HECW1: variants seen among roughly 807,000 people sequenced by gnomAD.
The protein encoded by HECW1 is E3 ubiquitin-protein ligase HECW1.
A neutral mutation model predicts 182.3 loss-of-function variants in HECW1; 61 were observed. The observed-to-expected ratio is 0.33, with a 90% CI of 0.27 to 0.41. The LOEUF (loss-of-function observed/expected upper bound fraction) is 0.41, where lower values mean the gene tolerates loss of function less well. HECW1 is among the 10% of genes least tolerant of loss of function. The pLI is 1.00. For synonymous variants in HECW1, 859 were observed against 832.6 expected (o/e 1.03, Z -0.55); for missense variants, 1,739 against 2,108.9 (o/e 0.82, Z 3.44).
chr7:43,404,989 CA>C (rs2075557797), intron 7 of HECW1, among the ~76,000 whole-genome samples: 1 of 151,762 alleles, frequency 6.6e-6, no homozygotes, highest in Admixed American at 6.6e-5. Flanking sequence ...AAAAATCAAA[CA>C]AAAAAACAAA....
At position 43,419,944 on chromosome 7, in the gene HECW1, C is replaced by T. The variant is rs1443398180; in HGVS notation, c.801+12213C>T. 8.5e-5 allele frequency among the ~76,000 whole-genome samples: 13 copies of T among 152,128 alleles called. No individual in the cohort carries two copies. The East Asian group carries it at 1.2e-3, about 13-fold the overall frequency. On this transcript the variant is annotated intron_variant, in intron 8 of 29. Transcript: ENST00000395891. Reference sequence around the variant, plus strand: ...AGGACCTCACATTCTGTATTTGTCCCGATTGGCTAGCAACTTAGAACTTTT... The same window carrying T: ...AGGACCTCACATTCTGTATTTGTCCTGATTGGCTAGCAACTTAGAACTTTT...
At chr7:43,280,946 T>C (rs1388742947) in intron 3 of HECW1, among the ~76,000 whole-genome samples, 1 of 152,208 alleles carries the variant, frequency 6.6e-6, no homozygotes, top group African/African-American at 2.4e-5. Flanking sequence ...GAGGTTTTCA[T>C]GCATTCCCGA....
intron 3 of HECW1, among the ~76,000 whole-genome samples, chr7:43,307,270 G>T (rs1807695855): frequency 6.6e-6 from 1 of 152,138 alleles, no homozygotes; most frequent in Admixed American, 6.6e-5. Flanking sequence ...CAGTGTTATT[G>T]AAACTATTGC....
chr7:43,186,764 A>T (rs1416692133), intron 2 of HECW1, among the ~76,000 whole-genome samples: 1 of 152,024 alleles, frequency 6.6e-6, no homozygotes, highest in Non-Finnish European at 1.5e-5. Flanking sequence ...TTACCATTGC[A>T]TTACAATTGC....
Position 43,119,791 on chromosome 7 carries a change from C to T in HECW1, c.-32+5400C>T, listed in dbSNP as rs1785401169. Among the ~76,000 whole-genome samples the T allele has an allele frequency of 2.0e-5, 3 of 152,306 alleles. No individual in the cohort carries two copies. The East Asian group carries it at 5.8e-4, about 29-fold the overall frequency. On this transcript the variant is annotated intron_variant, in intron 2 of 29. Transcript: ENST00000395891. ...GTCAAATACCTGTGAGTCCCTCTGA[C>T]TTTTTTCTCACCCAGATCCAGCTTT...
chr7:43,143,703 G>C (rs949907630), intron 2 of HECW1, among the ~76,000 whole-genome samples: 1 of 152,162 alleles, frequency 6.6e-6, no homozygotes, highest in African/African-American at 2.4e-5. Flanking sequence ...AAGGACTTTG[G>C]AGAAGATCCT....
At chr7:43,421,005 G>GA (rs1049298856) in intron 8 of HECW1, among the ~76,000 whole-genome samples, 4 of 150,000 alleles carry the variant, frequency 2.7e-5, no homozygotes, top group Admixed American at 6.6e-5. Context: ...AAAAAGAAAA[G>GA]AAAAAAAAAG....
chr7:43,320,632 T>C lies in HECW1; in HGVS notation c.353-3T>C. On this transcript the variant is annotated splice_polypyrimidine_tract_variant and splice_region_variant and intron_variant, in intron 4 of 29. Coordinates refer to ENST00000395891, the MANE Select transcript of HECW1 (RefSeq NM_015052.5). ...GCTCTGCTTTCTTCCTCTGGGAATATAGATGAGGTCTTGTCCGAAAACTTT... is the reference window on the plus strand; with the variant it reads ...GCTCTGCTTTCTTCCTCTGGGAATACAGATGAGGTCTTGTCCGAAAACTTT... The C allele has an allele frequency of 6.2e-7, 1 of 1,600,722 alleles. No individual in the cohort carries two copies. The highest frequency in any genetic ancestry group is 8.6e-7 in the Non-Finnish European group (1 of 1,167,748).
chr7:43,546,681 G>A (rs557297496), intron 26 of HECW1, among the ~76,000 whole-genome samples: 3 of 151,776 alleles, frequency 2.0e-5, no homozygotes, highest in African/African-American at 4.8e-5. Flanking sequence ...TCCTAACTTC[G>A]GGAACAAAGC....
At chr7:43,189,432 A>T (rs114756844) in intron 2 of HECW1, among the ~76,000 whole-genome samples, 317 of 152,294 alleles carry the variant, frequency 2.1e-3, no homozygotes, top group African/African-American at 7.3e-3. Context: ...ACAAAAGCTT[A>T]TTGGAAAATC....
chr7:43,445,715 T>G (rs1169948651), intron 11 of HECW1, 145 bp downstream of exon 11: 1 of 964,242 alleles, frequency 1.0e-6, no homozygotes, highest in African/African-American at 1.7e-5. Context: ...TATACATGTG[T>G]GCATGTGTAT....
chr7:43,360,158 A>C (rs1815687331), intron 5 of HECW1, among the ~76,000 whole-genome samples: 1 of 152,148 alleles, frequency 6.6e-6, no homozygotes, highest in African/African-American at 2.4e-5. Context: ...CTGAAATTCA[A>C]ACCCAGTGTG....
intron 24 of HECW1, among the ~76,000 whole-genome samples, chr7:43,516,206 T>C (rs2080140600): frequency 6.6e-6 from 1 of 152,168 alleles, no homozygotes; most frequent in African/African-American, 2.4e-5. Context: ...GGCTGTAGCT[T>C]TCCTAGTCAC....
intron 11 of HECW1, 60 bp downstream of exon 11, chr7:43,445,630 C>T (rs2077031127): frequency 1.4e-6 from 2 of 1,465,160 alleles, no homozygotes; most frequent in East Asian, 4.9e-5. Flanking sequence ...AAGGTGTCAC[C>T]AACAGTTTAA....
rs1236509296 is a variant in HECW1 at position 43,468,966 on chromosome 7, T to C, written c.2960T>C (p.Ile987Thr). The change falls in exon 16 of 30, where the codon ATT becomes ACT. Residue 987 changes from isoleucine (I) to threonine (T), a missense_variant. Coordinates refer to ENST00000395891, the MANE Select transcript of HECW1 (RefSeq NM_015052.5). The part of the protein sequence containing the change: ...FTSSTCLKHM[I>T]LKVRRDARNF... ...AGTAGCACCTGCTTAAAGCACATGA[T>C]TCTGAAAGTCCGACGGGATGCTCGC... 6 of 1,614,060 alleles carry C rather than the reference T, an allele frequency of 3.7e-6. No individual in the cohort carries two copies. The highest frequency in any genetic ancestry group is 5.1e-6 in the Non-Finnish European group (6 of 1,180,032).
chr7:43,142,174 A>T (rs562647767), intron 2 of HECW1, among the ~76,000 whole-genome samples: 2 of 152,212 alleles, frequency 1.3e-5, no homozygotes, highest in African/African-American at 4.8e-5. Flanking sequence ...CCTGGCCTGG[A>T]TACCCTGCAT....
In HECW1 at chr7:43,441,701, G is replaced by A. The variant is rs529598295; in HGVS notation, c.945-828G>A. 1.2e-4 allele frequency among the ~76,000 whole-genome samples: 18 copies of A among 152,298 alleles called. No homozygotes were observed. The East Asian group carries it at 2.1e-3, about 18-fold the overall frequency. On this transcript the variant is annotated intron_variant, in intron 9 of 29. Coordinates refer to ENST00000395891, the MANE Select transcript of HECW1 (RefSeq NM_015052.5). ...GCATGAAAGTTGCCACAGATAATAC[G>A]TAAGCTAACAAGCATGGCCGTGCTC...
At chr7:43,465,859 A>C (rs1049307801) in intron 14 of HECW1, among the ~76,000 whole-genome samples, 2 of 151,356 alleles carry the variant, frequency 1.3e-5, no homozygotes, top group African/African-American at 4.9e-5. Flanking sequence ...GCGCGGCTGC[A>C]CTCCAGCCTG....
chr7:43,164,854 A>G (rs2152660926), intron 2 of HECW1, among the ~76,000 whole-genome samples: 1 of 152,360 alleles, frequency 6.6e-6, no homozygotes, highest in East Asian at 1.9e-4. Flanking sequence ...TGTATGATTC[A>G]GAATATTTGT....
Sources: allele counts gnomAD v4.1 joint callset (sites outside exome capture counted in the v4.1 genomes callset), GRCh38; gene constraint gnomAD v4.1.1; transcripts MANE v1.5; gene names NCBI Gene and HGNC (gene_info 2026-07-23, HGNC 2026-07-21).